Variants in MYO5A observed in about 807,000 individuals in gnomAD.
MYO5A encodes unconventional myosin-Va.
A neutral mutation model predicts 249.7 loss-of-function variants in MYO5A; 98 were observed. The observed-to-expected ratio is 0.39, with a 90% CI of 0.33 to 0.46. The LOEUF is 0.46. Ranked by LOEUF, MYO5A falls within the 20% of genes least tolerant of loss-of-function variation. The pLI is 0.98. For missense variants in MYO5A, 1,696 were observed against 2,308.8 expected (o/e 0.73, Z 5.44); for synonymous variants, 778 against 810.6 (o/e 0.96, Z 0.68).
chr15:52,382,970 G>T lies in MYO5A; in HGVS notation c.2012+121C>A, dbSNP rs1042409011. The T allele has an allele frequency of 9.4e-6, 8 of 849,036 alleles. No homozygotes were observed. In the African/African-American group the frequency reaches 1.3e-4, roughly 14 times the overall value. The allele number at this position is 849,036 out of a possible 1,614,324, so 52.6% of individuals were successfully genotyped here. On this transcript the variant is annotated intron_variant, in intron 16 of 41. Coordinates refer to ENST00000399233, the MANE Select transcript of MYO5A (RefSeq NM_001382347.1). ...CTAGTGGTTTCCCTCTACAAGGCATGAAGACTTACCCAAATATTTTTTTCC... is the reference window on the plus strand; with the variant it reads ...CTAGTGGTTTCCCTCTACAAGGCATTAAGACTTACCCAAATATTTTTTTCC...
intron 34 of MYO5A, chr15:52,331,763 A>G: frequency 2.4e-5 from 24 of 985,474 alleles, no homozygotes; most frequent in Non-Finnish European, 2.9e-5. Flanking sequence ...ATGCTGCAGC[A>G]GCACACACTG....
chr15:52,457,908 G>A (rs2076152422), intron 1 of MYO5A, among the ~76,000 whole-genome samples: 1 of 152,060 alleles, frequency 6.6e-6, no homozygotes, highest in Non-Finnish European at 1.5e-5. Context: ...ATACATAATA[G>A]AATACTATTC....
At chr15:52,331,687 G>A (rs1028585125) in intron 34 of MYO5A, 25 of 985,328 alleles carry the variant, frequency 2.5e-5, no homozygotes, top group Non-Finnish European at 3.0e-5. Context: ...TTATCACAGA[G>A]AACATCAGTA....
At chr15:52,509,974 T>C (rs1300578723) in intron 1 of MYO5A, among the ~76,000 whole-genome samples, 1 of 152,244 alleles carries the variant, frequency 6.6e-6, no homozygotes, top group Non-Finnish European at 1.5e-5. Flanking sequence ...GCAGTTTTTG[T>C]TTCACTAGAA....
intron 9 of MYO5A, among the ~76,000 whole-genome samples, chr15:52,399,677 G>T (rs1034224842): frequency 6.6e-6 from 1 of 151,444 alleles, no homozygotes; most frequent in Non-Finnish European, 1.5e-5. Flanking sequence ...TTGTATTTTA[G>T]AATCAGGGGG....
intron 40 of MYO5A, among the ~76,000 whole-genome samples, chr15:52,316,089 C>T (rs1021813908): frequency 1.4e-4 from 21 of 151,082 alleles, no homozygotes; most frequent in African/African-American, 4.8e-4. Context: ...AAAAAATTAG[C>T]CAGGCGTGGT....
intron 37 of MYO5A, among the ~76,000 whole-genome samples, chr15:52,322,087 C>T (rs981110132): frequency 1.3e-5 from 2 of 152,206 alleles, no homozygotes; most frequent in Non-Finnish European, 2.9e-5. Flanking sequence ...GAATGGGCGG[C>T]ACTTCTTCCA....
At chr15:52,369,869 C>CTTTTTTTT (rs5812601) in intron 22 of MYO5A, among the ~76,000 whole-genome samples, 1 of 93,828 alleles carries the variant, frequency 1.1e-5, no homozygotes. Context: ...CCCAGACTGA[C>CTTTTTTTT]TTTTTTTTTT....
At position 52,416,315 on chromosome 15, in the gene MYO5A, A is replaced by T. The variant is rs764727473; in HGVS notation, c.456-14T>A. 4.3e-6 allele frequency: 7 copies of T among 1,613,186 alleles called. No individual in the cohort carries two copies. The African/African-American group carries it at 5.3e-5, about 12-fold the overall frequency. On this transcript the variant is annotated splice_polypyrimidine_tract_variant and intron_variant, in intron 4 of 41. Coordinates refer to ENST00000399233, the MANE Select transcript of MYO5A (RefSeq NM_001382347.1). ...TTTCGTTCATCTCTGTAAAATAAAAATTTTTTAAAAAGTAACTGCCATTGC... is the reference window on the plus strand; with the variant it reads ...TTTCGTTCATCTCTGTAAAATAAAATTTTTTTAAAAAGTAACTGCCATTGC...
chr15:52,391,413 T>G (rs184598798), intron 12 of MYO5A, among the ~76,000 whole-genome samples: 1 of 152,104 alleles, frequency 6.6e-6, no homozygotes, highest in Non-Finnish European at 1.5e-5. Context: ...TAAAGAGAAA[T>G]AAAGCGAAAG....
intron 1 of MYO5A, among the ~76,000 whole-genome samples, chr15:52,454,495 T>C (rs2076080493): frequency 6.6e-6 from 1 of 152,072 alleles, no homozygotes; most frequent in African/African-American, 2.4e-5. Context: ...AGAGTTAAAC[T>C]ACAGGCAAAC....
At chr15:52,429,350 T>G (rs2075468927) in intron 2 of MYO5A, among the ~76,000 whole-genome samples, 1 of 152,010 alleles carries the variant, frequency 6.6e-6, no homozygotes, top group Admixed American at 6.6e-5. Flanking sequence ...GGTCAGGAGT[T>G]CGAGACCAGC....
chr15:52,518,769 CAA>C (rs2077550518), intron 1 of MYO5A, among the ~76,000 whole-genome samples: 1 of 152,112 alleles, frequency 6.6e-6, no homozygotes, highest in Admixed American at 6.5e-5. Flanking sequence ...TAGTCTAACA[CAA>C]AAGTGTTTGT....
chr15:52,485,594 T>A (rs1555461653), intron 1 of MYO5A, among the ~76,000 whole-genome samples: 1 of 151,942 alleles, frequency 6.6e-6, no homozygotes, highest in Non-Finnish European at 1.5e-5. Flanking sequence ...TTTACCCTTT[T>A]AAAAAAAAGA....
In MYO5A at chr15:52,528,852, C is replaced by T; in HGVS notation, c.-46G>A. 2.1e-6 allele frequency: 3 copies of T among 1,445,670 alleles called. No homozygotes were observed. Among genetic ancestry groups the T allele is most frequent in the Non-Finnish European group, 2.7e-6 (3 of 1,102,732 alleles). 89.6% of individuals were successfully genotyped at this position (1,445,670 alleles called of 1,614,324 possible). A position where few individuals can be genotyped will look rare whatever the true frequency, so the allele number is the denominator to read the frequency against. On this transcript the variant is annotated 5_prime_UTR_variant, in exon 1 of 42. The change creates a new upstream start codon in the 5' untranslated region. Transcript: ENST00000399233. The stretch of plus-strand genomic sequence containing the variant: ...GCCCCCCGCCTGTGCGGAGGCCGCA[C>T]CTCGCCTGGGCGGCCGCCCGAGCGG...
chr15:52,429,700 A>AAAAC (rs71130161), intron 2 of MYO5A, among the ~76,000 whole-genome samples: 104,037 of 151,752 alleles, frequency 0.69, 37,931 homozygotes, highest in Non-Finnish European at 0.81. Context: ...AAAAAAAACA[A>AAAAC]AAAAACAAAA....
intron 9 of MYO5A, among the ~76,000 whole-genome samples, chr15:52,400,039 AG>A (rs2042678770): frequency 6.6e-6 from 1 of 152,180 alleles, no homozygotes; most frequent in Non-Finnish European, 1.5e-5. Flanking sequence ...TTTTTTAACC[AG>A]TCTAACAATC....
chr15:52,461,533 T>C (rs1293237858), intron 1 of MYO5A, among the ~76,000 whole-genome samples: 1 of 152,198 alleles, frequency 6.6e-6, no homozygotes, highest in Non-Finnish European at 1.5e-5. Context: ...GGAAGTTATT[T>C]TGAAGGTGAT....
rs1441240245 is a variant in MYO5A at position 52,330,417 on chromosome 15, A to C, written c.4491T>G (p.Asp1497Glu). 2 of 1,614,088 alleles carry C rather than the reference A, an allele frequency of 1.2e-6. No homozygotes were observed. The highest frequency in any genetic ancestry group is 4.5e-5 in the East Asian group (2 of 44,882). Residue 1497 changes from aspartate (D) to glutamate (E), a missense_variant, in exon 35 of 42, where the codon GAT becomes GAG. Physicochemically the swap from Asp to Glu is conservative, Grantham distance 45. Transcript: ENST00000399233. ...RPVNIPRKEKDFQGMLEYKKE... is the reference protein window; with the variant it reads ...RPVNIPRKEKEFQGMLEYKKE... ...TCTTGTATTCCAGCATCCCTTGGAAATCCTTTTCTTTCCTGGGAATGTTGA... is the reference window on the plus strand; with the variant it reads ...TCTTGTATTCCAGCATCCCTTGGAACTCCTTTTCTTTCCTGGGAATGTTGA...
Sources: allele counts gnomAD v4.1 joint callset (sites outside exome capture counted in the v4.1 genomes callset), GRCh38; gene constraint gnomAD v4.1.1; transcripts MANE v1.5; gene names NCBI Gene and HGNC (gene_info 2026-07-23, HGNC 2026-07-21).